Variants in GNAI1 observed in about 807,000 individuals in gnomAD.
GNAI1 encodes the protein G protein subunit alpha i1.
GNAI1 carries 11 observed loss-of-function variants against 38.9 expected under a neutral mutation model. That is an observed-to-expected ratio of 0.28 (90% confidence interval 0.18 to 0.47). The LOEUF is 0.47. GNAI1 is among the 20% of genes least tolerant of loss of function. GNAI1 has a pLI of 0.99. For synonymous variants in GNAI1, 166 were observed against 145.1 expected (o/e 1.14, Z -1.04); for missense variants, 317 against 436.9 (o/e 0.73, Z 2.45).
At position 80,224,516 on chromosome 7, in the gene GNAI1, G is replaced by A. The variant is rs12113915; in HGVS notation, c.*7023G>A. The stretch of plus-strand genomic sequence containing the variant: ...CTTAGCCATATCTTCAAAATCCAAT[G>A]GCATAAAGAAGTTTTTCACAAGGGT... On this transcript the variant is annotated 3_prime_UTR_variant, in exon 8 of 8. Transcript: ENST00000649796. 0.015 allele frequency among the ~76,000 whole-genome samples: 2,343 copies of A among 152,024 alleles called. 57 individuals are homozygous for A. The highest frequency in any genetic ancestry group is 0.053 in the African/African-American group (2,198 of 41,420).
chr7:80,186,023 CTTTTT>C (rs533371119), intron 1 of GNAI1, among the ~76,000 whole-genome samples: 1 of 103,512 alleles, frequency 9.7e-6, no homozygotes, highest in South Asian at 3.3e-4. Flanking sequence ...CATCCGCACT[CTTTTT>C]TTTTTTTTTT....
At position 80,224,780 on chromosome 7, in the gene GNAI1, T is replaced by C. The variant is rs992269274; in HGVS notation, c.*7287T>C. ...AGCTAGTCCAAAGTGAGTTGGCCTATTAGTGTAAAATACAAGAGTTCAGAT... is the reference window on the plus strand; with the variant it reads ...AGCTAGTCCAAAGTGAGTTGGCCTACTAGTGTAAAATACAAGAGTTCAGAT... On this transcript the variant is annotated 3_prime_UTR_variant, in exon 8 of 8. Transcript: ENST00000649796. 1.3e-5 allele frequency among the ~76,000 whole-genome samples: 2 copies of C among 152,210 alleles called. No homozygotes were observed. Among genetic ancestry groups the C allele is most frequent in the African/African-American group, 4.8e-5 (2 of 41,470 alleles).
chr7:80,221,734 C>G lies in GNAI1; in HGVS notation c.*4241C>G, dbSNP rs930262687. The stretch of plus-strand genomic sequence containing the variant: ...CTCCACTCTCTGCAACCTCCAACTC[C>G]ATGGTTCAAGCAATTGTCCTGCCTC... On this transcript the variant is annotated 3_prime_UTR_variant, in exon 8 of 8. Transcript: ENST00000649796. Among the ~76,000 whole-genome samples the G allele has an allele frequency of 6.8e-6, 1 of 147,434 alleles. No individual in the cohort carries two copies. The highest frequency in any genetic ancestry group is 2.5e-5 in the African/African-American group (1 of 39,704).
At chr7:80,173,187 A>G (rs1433796159) in intron 1 of GNAI1, among the ~76,000 whole-genome samples, 1 of 152,168 alleles carries the variant, frequency 6.6e-6, no homozygotes, top group Non-Finnish European at 1.5e-5. Flanking sequence ...GGGTTCATGT[A>G]CAGGTGGGAT....
At chr7:80,165,082 T>C (rs1184461383) in intron 1 of GNAI1, among the ~76,000 whole-genome samples, 1 of 152,148 alleles carries the variant, frequency 6.6e-6, no homozygotes. Context: ...CTGAAGGGAA[T>C]TGATTTAGGC....
intron 6 of GNAI1, 96 bp downstream of exon 6, chr7:80,211,194 C>T (rs1265881281): frequency 8.8e-6 from 9 of 1,026,134 alleles, no homozygotes; most frequent in East Asian, 2.5e-5. Flanking sequence ...TTTGAAAGTA[C>T]AGGGTCTTTC....
chr7:80,185,062 G>A (rs2115616869), intron 1 of GNAI1, among the ~76,000 whole-genome samples: 1 of 152,250 alleles, frequency 6.6e-6, no homozygotes, highest in Non-Finnish European at 1.5e-5. Context: ...GTAGATGGGA[G>A]CACTTTTCAT....
intron 7 of GNAI1, 59 bp from the exon 8 acceptor site, chr7:80,217,244 T>TTTCATATGTATGAAACTG: frequency 2.7e-5 from 30 of 1,093,734 alleles, no homozygotes; most frequent in Non-Finnish European, 3.4e-5. Context: ...CTGAATTCAG[T>TTTCATATGTATGAAACTG]ATTTTAAGCA....
At chr7:80,160,872 A>G (rs552680555) in intron 1 of GNAI1, among the ~76,000 whole-genome samples, 1 of 151,978 alleles carries the variant, frequency 6.6e-6, no homozygotes, top group East Asian at 1.9e-4. Flanking sequence ...TTAGAAAAAA[A>G]AATGTCCTGG....
At position 80,203,851 on chromosome 7, in the gene GNAI1, T is replaced by C. The variant is rs1022906263; in HGVS notation, c.590+19T>C. The stretch of plus-strand genomic sequence containing the variant: ...ATTTTAAGTGAGTAGCTTTGAAATA[T>C]ATGATTTCTAAATTTAGATAAAAAC... On this transcript the variant is annotated intron_variant, in intron 5 of 7. Transcript: ENST00000649796. 19 of 1,381,506 alleles carry C rather than the reference T, an allele frequency of 1.4e-5. No individual in the cohort carries two copies. Among genetic ancestry groups the C allele is most frequent in the Admixed American group, 8.3e-5 (4 of 48,460 alleles). 85.6% of individuals were successfully genotyped at this position (1,381,506 alleles called of 1,614,324 possible). A position where few individuals can be genotyped will look rare whatever the true frequency, so the allele number is the denominator to read the frequency against.
At chr7:80,185,922 G>GT (rs1788378779) in intron 1 of GNAI1, among the ~76,000 whole-genome samples, 1 of 151,378 alleles carries the variant, frequency 6.6e-6, no homozygotes, top group African/African-American at 2.4e-5. Flanking sequence ...GCTTTGAAAC[G>GT]TTTTTGCAAA....
chr7:80,221,841 C>T lies in GNAI1; in HGVS notation c.*4348C>T, dbSNP rs1006733475. Reference sequence around the variant, plus strand: ...TATTTTTAGTAAAGGGGGGTTTCACCATGTTGGCCAGGATGGTCTTGATCA... The same window carrying T: ...TATTTTTAGTAAAGGGGGGTTTCACTATGTTGGCCAGGATGGTCTTGATCA... On this transcript the variant is annotated 3_prime_UTR_variant, in exon 8 of 8. Coordinates refer to ENST00000649796, the MANE Select transcript of GNAI1 (RefSeq NM_002069.6). 1.3e-5 allele frequency among the ~76,000 whole-genome samples: 2 copies of T among 151,866 alleles called. No homozygotes were observed. Among genetic ancestry groups the T allele is most frequent in the Non-Finnish European group, 2.9e-5 (2 of 67,950 alleles).
At chr7:80,153,597 T>G (rs891821205) in intron 1 of GNAI1, among the ~76,000 whole-genome samples, 1 of 152,190 alleles carries the variant, frequency 6.6e-6, no homozygotes, top group African/African-American at 2.4e-5. Context: ...AGGGAGTGTT[T>G]CTGGTGAGTT....
intron 1 of GNAI1, among the ~76,000 whole-genome samples, chr7:80,162,256 A>T (rs1787937624): frequency 6.6e-6 from 1 of 152,118 alleles, no homozygotes; most frequent in African/African-American, 2.4e-5. Context: ...AACTATCAGA[A>T]ATAAGTGCTT....
intron 1 of GNAI1, among the ~76,000 whole-genome samples, chr7:80,177,265 T>C (rs1049870671): frequency 2.0e-5 from 3 of 151,764 alleles, no homozygotes; most frequent in Admixed American, 6.6e-5. Flanking sequence ...CTCCTCACCT[T>C]GTGATCCACC....
chr7:80,136,309 C>T (rs1024794819), intron 1 of GNAI1, among the ~76,000 whole-genome samples: 6 of 152,138 alleles, frequency 3.9e-5, no homozygotes, highest in Admixed American at 3.9e-4. Flanking sequence ...TCAGAATCTT[C>T]ATTTGCATTT....
At chr7:80,152,872 G>C (rs1304807265) in intron 1 of GNAI1, among the ~76,000 whole-genome samples, 1 of 151,630 alleles carries the variant, frequency 6.6e-6, no homozygotes, top group Non-Finnish European at 1.5e-5. Flanking sequence ...CACCCGGCCA[G>C]ATTCAGTCTC....
At chr7:80,172,313 AAG>A (rs1403480456) in intron 1 of GNAI1, among the ~76,000 whole-genome samples, 1 of 152,196 alleles carries the variant, frequency 6.6e-6, no homozygotes, top group African/African-American at 2.4e-5. Context: ...ATTTTAGAAA[AAG>A]AGTTCTGTAA....
chr7:80,210,999 G>A lies in GNAI1; in HGVS notation c.621G>A (p.Glu207=), dbSNP rs754825976. ...TTGATGTGGGAGGTCAGAGATCTGAGCGGAAGAAGTGGATTCATTGCTTCG... is the reference window on the plus strand; with the variant it reads ...TTGATGTGGGAGGTCAGAGATCTGAACGGAAGAAGTGGATTCATTGCTTCG... ...KMFDVGGQRS[E]RKKWIHCFEG... The change falls in exon 6 of 8, where the codon GAG becomes GAA. Residue 207 remains glutamate, a synonymous_variant. Transcript: ENST00000649796. 41 of 1,613,138 alleles carry A rather than the reference G, an allele frequency of 2.5e-5. 1 individual carries two copies. In the South Asian group the frequency reaches 4.3e-4, roughly 17 times the overall value.
Sources: allele counts gnomAD v4.1 joint callset (sites outside exome capture counted in the v4.1 genomes callset), GRCh38; gene constraint gnomAD v4.1.1; transcripts MANE v1.5; gene names NCBI Gene and HGNC (gene_info 2026-07-23, HGNC 2026-07-21).